USP47: variants seen among roughly 807,000 people sequenced by gnomAD.
USP47 encodes the protein ubiquitin carboxyl-terminal hydrolase 47.
A neutral mutation model predicts 165.1 loss-of-function variants in USP47; 35 were observed. That is an observed-to-expected ratio of 0.21 (90% CI 0.16 to 0.28). The LOEUF (loss-of-function observed/expected upper bound fraction) is 0.28, where lower values mean the gene tolerates loss of function less well. Ranked by LOEUF, USP47 falls within the 10% of genes least tolerant of loss-of-function variation. The probability of loss-of-function intolerance (pLI) is 1.00; values close to 1 mark genes in which losing one functional copy is unlikely to be tolerated. For synonymous variants in USP47, 531 were observed against 544.5 expected, an observed-to-expected ratio of 0.98 and a Z score of 0.35; for missense variants, 1,277 against 1,607.4, an observed-to-expected ratio of 0.79 and a Z score of 3.52.
Position 11,853,163 on chromosome 11 carries a change from C to T in USP47, c.39+10939C>T, listed in dbSNP as rs114574488. Among the ~76,000 whole-genome samples, 1,064 of 151,716 alleles carry T rather than the reference C, an allele frequency of 7.0e-3. 12 individuals are homozygous for T. The highest frequency in any genetic ancestry group is 0.023 in the African/African-American group (970 of 41,340). ...CCAGAATAGTAGGGTATGGTGATAG[C>T]CCAAGTTAGAAAGAAAAGATTGTAT... On this transcript the variant is annotated intron_variant, in intron 1 of 27. Transcript: ENST00000527733.
chr11:11,867,122 C>T (rs912321272), intron 1 of USP47, among the ~76,000 whole-genome samples: 1 of 152,196 alleles, frequency 6.6e-6, no homozygotes, highest in Non-Finnish European at 1.5e-5. Flanking sequence ...GTCTTGAACT[C>T]CTGACCTCAG....
chr11:11,943,211 T>C, intron 20 of USP47, 99 bp downstream of exon 20: 2 of 1,335,528 alleles, frequency 1.5e-6, no homozygotes, highest in Non-Finnish European at 1.0e-6. Context: ...AGTTCTAAGA[T>C]CATTTGTAAC....
At chr11:11,873,456 C>T (rs1362607531) in intron 1 of USP47, among the ~76,000 whole-genome samples, 1 of 152,072 alleles carries the variant, frequency 6.6e-6, no homozygotes, top group Non-Finnish European at 1.5e-5. Context: ...CTAGCAAAAT[C>T]AAGAGATCTC....
At chr11:11,842,688 T>G (rs1262052050) in intron 1 of USP47, among the ~76,000 whole-genome samples, 1 of 152,120 alleles carries the variant, frequency 6.6e-6, no homozygotes, top group Admixed American at 6.5e-5. Flanking sequence ...GAGGGCAGAC[T>G]TAACTGTTAC....
chr11:11,857,348 CAA>C (rs1333885837), intron 1 of USP47, among the ~76,000 whole-genome samples: 2 of 151,900 alleles, frequency 1.3e-5, no homozygotes, highest in African/African-American at 4.8e-5. Flanking sequence ...TTTGTGATAA[CAA>C]GAGAATTGGT....
At chr11:11,952,583 C>A (rs759482794) in intron 24 of USP47, 158 bp from the exon 25 acceptor site, 3 of 654,698 alleles carry the variant, frequency 4.6e-6, no homozygotes, top group African/African-American at 3.8e-5. Context: ...ATATTTCATT[C>A]TCAAAAACTC....
chr11:11,923,096 A>G (rs947179358), intron 11 of USP47, among the ~76,000 whole-genome samples: 3 of 141,416 alleles, frequency 2.1e-5, no homozygotes, highest in Non-Finnish European at 4.6e-5. Context: ...GACTATAATT[A>G]AACTTCAGGA....
At chr11:11,954,807 G>A in intron 25 of USP47, 90 bp from the exon 26 acceptor site, 1 of 1,413,622 alleles carries the variant, frequency 7.1e-7, no homozygotes, top group Non-Finnish European at 9.7e-7. Flanking sequence ...TTTAAACTGA[G>A]CTATTTCTGT....
At chr11:11,848,825 G>T (rs1848571198) in intron 1 of USP47, among the ~76,000 whole-genome samples, 1 of 152,122 alleles carries the variant, frequency 6.6e-6, no homozygotes, top group Non-Finnish European at 1.5e-5. Flanking sequence ...TAGCCAGGAT[G>T]GTCTTGATCT....
rs1851150289 is a variant in USP47, at chr11:11,886,173, A to T, written c.357+1593A>T. Among the ~76,000 whole-genome samples the T allele has an allele frequency of 2.6e-5, 4 of 152,298 alleles. No homozygotes were observed. In the South Asian group the frequency reaches 6.2e-4, roughly 24 times the overall value. ...CAACACAAAAATGTCAAAAACTCAA[A>T]AAGCCAGAATGCCTCTTCTCCAGAT... On this transcript the variant is annotated intron_variant, in intron 3 of 27. Coordinates refer to ENST00000527733, the MANE Select transcript of USP47 (RefSeq NM_001282659.2).
chr11:11,907,965 G>A (rs1852686632), intron 8 of USP47, among the ~76,000 whole-genome samples: 1 of 152,092 alleles, frequency 6.6e-6, no homozygotes, highest in Non-Finnish European at 1.5e-5. Flanking sequence ...GTGCATGCCT[G>A]TATTCCCAGC....
At chr11:11,904,045 A>C (rs1852391218) in intron 7 of USP47, among the ~76,000 whole-genome samples, 1 of 152,190 alleles carries the variant, frequency 6.6e-6, no homozygotes, top group Non-Finnish European at 1.5e-5. Context: ...CACGGGTTAT[A>C]AAATCAGTTT....
At chr11:11,908,261 G>T (rs1227794666) in intron 8 of USP47, among the ~76,000 whole-genome samples, 1 of 151,648 alleles carries the variant, frequency 6.6e-6, no homozygotes, top group Non-Finnish European at 1.5e-5. Context: ...AAAATTGAAG[G>T]GTTTTTCTTT....
chr11:11,862,733 C>A (rs1256995360), intron 1 of USP47, among the ~76,000 whole-genome samples: 1 of 149,680 alleles, frequency 6.7e-6, no homozygotes, highest in African/African-American at 2.5e-5. Context: ...TTTTTTTTTT[C>A]TTTATTAGAG....
intron 1 of USP47, among the ~76,000 whole-genome samples, chr11:11,845,676 T>C (rs190337610): frequency 9.2e-5 from 14 of 152,336 alleles, no homozygotes; most frequent in Admixed American, 8.5e-4. Flanking sequence ...GTTGATGTGG[T>C]GACAGAGTTG....
At chr11:11,888,898 T>C (rs1156482044) in intron 3 of USP47, among the ~76,000 whole-genome samples, 3 of 152,176 alleles carry the variant, frequency 2.0e-5, no homozygotes, top group African/African-American at 7.2e-5. Context: ...TTGTTCAACA[T>C]ATGCGAATCA....
At chr11:11,868,609 G>A (rs1187154647) in intron 1 of USP47, among the ~76,000 whole-genome samples, 1 of 151,970 alleles carries the variant, frequency 6.6e-6, no homozygotes, top group Non-Finnish European at 1.5e-5. Flanking sequence ...TTCCTGTACT[G>A]GTTTTTATGT....
chr11:11,922,628 T>C (rs2134614586), intron 10 of USP47, 96 bp from the exon 11 acceptor site: 1 of 905,858 alleles, frequency 1.1e-6, no homozygotes, highest in East Asian at 3.2e-5. Context: ...ATATGTTAAA[T>C]TGTGTGAAAA....
chr11:11,862,231 A>G (rs79989308), intron 1 of USP47, among the ~76,000 whole-genome samples: 2,647 of 152,294 alleles, frequency 0.017, 59 homozygotes, highest in East Asian at 0.083. Flanking sequence ...TATGCTTCCA[A>G]AAGCATCAGC....
Sources: allele counts gnomAD v4.1 joint callset (sites outside exome capture counted in the v4.1 genomes callset), GRCh38; gene constraint gnomAD v4.1.1; transcripts MANE v1.5; gene names NCBI Gene and HGNC (gene_info 2026-07-23, HGNC 2026-07-21).